The following RNF213 variants were observed in gnomAD, a reference collection of about 807,000 sequenced individuals.
RNF213 encodes ring finger protein 213.
In RNF213, 341 loss-of-function variants were observed where a neutral mutation model predicts 514.4. The observed-to-expected ratio is 0.66, with a 90% confidence interval of 0.61 to 0.73. RNF213 has a LOEUF of 0.73. Ranked by LOEUF, RNF213 falls within the 30% of genes least tolerant of loss-of-function variation. The probability of loss-of-function intolerance (pLI) is 0.00; values close to 1 mark genes in which losing one functional copy is unlikely to be tolerated. For missense variants in RNF213, 5,767 were observed against 6,615.6 expected (o/e 0.87, Z 4.45); for synonymous variants, 2,655 against 2,658.2 (o/e 1.00, Z 0.04).
At position 80,346,182 on chromosome 17, in the gene RNF213, C is replaced by T; in HGVS notation, c.7847C>T (p.Thr2616Ile). Residue 2616 changes from threonine to isoleucine, a missense_variant, in exon 29 of 68, where the codon ACA becomes ATA. Physicochemically the swap from Thr to Ile is moderately conservative, Grantham distance 89. Transcript: ENST00000582970. The surrounding 1 kb of genome is among the most constrained non-coding windows in gnomAD (Gnocchi z 8.1). ...GATGAAAACGGGACTCGCGTGATCA[C>T]AGAAGTCCTCTGCGCCTCTCAGGGT... ...SLDENGTRVITEVLCASQGFM... is the reference protein window; with the variant it reads ...SLDENGTRVIIEVLCASQGFM... The T allele has an allele frequency of 6.2e-7, 1 of 1,614,174 alleles. No individual in the cohort carries two copies. Among genetic ancestry groups the T allele is most frequent in the Non-Finnish European group, 8.5e-7 (1 of 1,180,038 alleles).
rs753453931 is a variant in RNF213 at position 80,340,325 on chromosome 17, T to G, written c.5958T>G (p.Val1986=). ...AAAVFNDRLC[V]GIVASERAGV... ...CCGTGTTCAATGACCGGCTGTGTGT[T>G]GGGATCGTGGCCTCGGAGCGAGCAG... The change falls in exon 26 of 68, where the codon GTT becomes GTG. Residue 1986 remains valine, a synonymous_variant. Transcript: ENST00000582970. The G allele has an allele frequency of 7.4e-6, 12 of 1,613,306 alleles. No individual in the cohort carries two copies. Among genetic ancestry groups the G allele is most frequent in the Non-Finnish European group, 1.0e-5 (12 of 1,179,954 alleles).
chr17:80,278,596 C>G (rs1279431458), intron 3 of RNF213, among the ~76,000 whole-genome samples: 1 of 152,156 alleles, frequency 6.6e-6, no homozygotes, highest in Non-Finnish European at 1.5e-5. Context: ...GCCCATGGGC[C>G]CTGGAGGCAG....
intron 11 of RNF213, chr17:80,298,810 CCAAA>C: frequency 4.5e-6 from 1 of 223,728 alleles, no homozygotes; most frequent in Non-Finnish European, 8.7e-6. Flanking sequence ...ACGAAAAATA[CCAAA>C]AAAAAAAAAA....
chr17:80,375,867 A>G lies in RNF213; in HGVS notation c.13182A>G (p.Pro4394=), dbSNP rs769971071. The G allele has an allele frequency of 6.2e-7, 1 of 1,600,762 alleles. No homozygotes were observed. Among genetic ancestry groups the G allele is most frequent in the Non-Finnish European group, 8.6e-7 (1 of 1,167,766 alleles). Residue 4394 remains proline (P), a synonymous_variant, in exon 51 of 68, where the codon CCA becomes CCG. Transcript: ENST00000582970. The part of the protein sequence containing the change: ...RSHNASLHPT[P]EQCEAVSKFI... Reference sequence around the variant, plus strand: ...ACAATGCAAGCCTCCACCCCACGCCAGAGGTGAGTAACCGCCTGCAGGGCT... The same window carrying G: ...ACAATGCAAGCCTCCACCCCACGCCGGAGGTGAGTAACCGCCTGCAGGGCT...
At position 80,379,690 on chromosome 17, in the gene RNF213, C is replaced by A; in HGVS notation, c.13616C>A (p.Pro4539His). 6.2e-7 allele frequency: 1 copy of A among 1,614,224 alleles called. No individual in the cohort carries two copies. Among genetic ancestry groups the A allele is most frequent in the East Asian group, 2.2e-5 (1 of 44,886 alleles). Residue 4539 changes from proline to histidine, a missense_variant, in exon 55 of 68, where the codon CCT becomes CAT. By Grantham distance (77) the Pro-to-His change is moderately conservative. This residue lies in a region of RNF213 where 1,245 missense variants were observed against 1,339.0 expected (regional missense o/e 0.93). Transcript: ENST00000582970. ...CCGATTGGAGGCATTGACCACAAAC[C>A]TCGGGACGGCTTTCATCTGGTCAAG... is the stretch of plus-strand genomic sequence containing the variant. ...HAPIGGIDHK[P>H]RDGFHLVKDK...
rs757553323 is a variant in RNF213 at position 80,298,499 on chromosome 17, C to T, written c.2191C>T (p.Arg731Trp). 10 of 1,614,026 alleles carry T rather than the reference C, an allele frequency of 6.2e-6. No homozygotes were observed. The highest frequency in any genetic ancestry group is 1.3e-5 in the African/African-American group (1 of 74,896). ...GGAGGGACTCTCCTTCTCACCGTTC[C>T]GGGAACAAATGCTAGATACGTAAGT... Reference protein sequence around the residue: ...ALEGLSFSPFREQMLDTSSLL... With the variant: ...ALEGLSFSPFWEQMLDTSSLL... Residue 731 changes from arginine to tryptophan, a missense_variant, in exon 11 of 68, where the codon CGG (arginine) becomes TGG (tryptophan). By Grantham distance (101) the Arg-to-Trp change is moderately radical (BLOSUM62 -3). Coordinates refer to ENST00000582970, the MANE Select transcript of RNF213 (RefSeq NM_001256071.3).
chr17:80,273,809 G>A (rs1310389100), intron 3 of RNF213, among the ~76,000 whole-genome samples: 4 of 151,732 alleles, frequency 2.6e-5, no homozygotes, highest in African/African-American at 4.8e-5. Context: ...TAGTAGAGAC[G>A]GGGTTTCACC....
At position 80,267,719 on chromosome 17, in the gene RNF213, T is replaced by G. The variant is rs531283543; in HGVS notation, c.97+3941T>G. 1.2e-4 allele frequency among the ~76,000 whole-genome samples: 18 copies of G among 152,234 alleles called. No homozygotes were observed. The South Asian group carries it at 3.5e-3, about 30-fold the overall frequency. On this transcript the variant is annotated intron_variant, in intron 2 of 67. Transcript: ENST00000582970. Reference sequence around the variant, plus strand: ...AGCAGTCATCTCCATAACATAAAAGTGCAAGGTGAAGCAGCGAGTGCTGCT... The same window carrying G: ...AGCAGTCATCTCCATAACATAAAAGGGCAAGGTGAAGCAGCGAGTGCTGCT...
intron 58 of RNF213, among the ~76,000 whole-genome samples, chr17:80,383,443 G>A (rs1175826057): frequency 6.6e-6 from 1 of 152,202 alleles, no homozygotes; most frequent in African/African-American, 2.4e-5. Flanking sequence ...CTAGCAGCCA[G>A]AATGTTAGTA....
chr17:80,313,669 A>AT (rs2045666832), intron 15 of RNF213, among the ~76,000 whole-genome samples: 1 of 113,418 alleles, frequency 8.8e-6, no homozygotes, highest in Admixed American at 8.8e-5. Flanking sequence ...GTGATGGTGG[A>AT]GGTAATGGAG....
At chr17:80,291,099 A>C (rs562129522) in intron 7 of RNF213, among the ~76,000 whole-genome samples, 2 of 152,320 alleles carry the variant, frequency 1.3e-5, no homozygotes, top group South Asian at 4.1e-4. Context: ...GGCATGAGCC[A>C]CTGCGCCCAG....
chr17:80,277,262 G>C (rs1214677478), intron 3 of RNF213, among the ~76,000 whole-genome samples: 3 of 151,960 alleles, frequency 2.0e-5, no homozygotes, highest in Non-Finnish European at 2.9e-5. Context: ...GAGTGGGGAG[G>C]AGGGAGTCAT....
Position 80,290,589 on chromosome 17 carries a change from G to A in RNF213, c.1132G>A (p.Gly378Arg). Residue 378 changes from glycine to arginine, a missense_variant, in exon 7 of 68, where the codon GGA (glycine) becomes AGA (arginine). Physicochemically the swap from Gly to Arg is moderately radical, Grantham distance 125. Coordinates refer to ENST00000582970, the MANE Select transcript of RNF213 (RefSeq NM_001256071.3). The part of the protein sequence containing the change: ...VKASTLSPGG[G>R]VTVFFHAIIS... Reference sequence around the variant, plus strand: ...CACCAGCACGCTGAGCCCGGGTGGAGGAGTCACCGTGTTCTTCCACGCCAT... The same window carrying A: ...CACCAGCACGCTGAGCCCGGGTGGAAGAGTCACCGTGTTCTTCCACGCCAT... The A allele has an allele frequency of 6.2e-7, 1 of 1,614,086 alleles. No homozygotes were observed. Among genetic ancestry groups the A allele is most frequent in the Non-Finnish European group, 8.5e-7 (1 of 1,180,048 alleles).
intron 65 of RNF213, 21 bp downstream of exon 65, chr17:80,389,388 G>A: frequency 6.2e-7 from 1 of 1,610,008 alleles, no homozygotes; most frequent in South Asian, 1.1e-5. Context: ...CACCGAAAAG[G>A]AAATCAGCAC....
At chr17:80,388,350 C>A (rs1041466228) in intron 63 of RNF213, among the ~76,000 whole-genome samples, 5 of 152,210 alleles carry the variant, frequency 3.3e-5, no homozygotes, top group African/African-American at 1.2e-4. Context: ...GTTGCCCTAG[C>A]GCCTCCTGTG....
intron 48 of RNF213, 57 bp from the exon 49 acceptor site, chr17:80,372,918 C>CTACAAT: frequency 6.4e-7 from 1 of 1,562,762 alleles, no homozygotes; most frequent in Non-Finnish European, 8.7e-7. Flanking sequence ...GCCTTGTGTC[C>CTACAAT]TACAATAAAT....
At position 80,389,934 on chromosome 17, in the gene RNF213, C is replaced by A. The variant is rs762926327; in HGVS notation, c.15285+17C>A. 6 of 1,613,936 alleles carry A rather than the reference C, an allele frequency of 3.7e-6. No individual in the cohort carries two copies. The highest frequency in any genetic ancestry group is 5.1e-6 in the Non-Finnish European group (6 of 1,179,756). ...CTGCACAAAGTAAGTCTGGTCTCTTCCTCTCTGCTGGACAGAGGGACTGCG... is the reference window on the plus strand; with the variant it reads ...CTGCACAAAGTAAGTCTGGTCTCTTACTCTCTGCTGGACAGAGGGACTGCG... On this transcript the variant is annotated intron_variant, in intron 66 of 67. Coordinates refer to ENST00000582970, the MANE Select transcript of RNF213 (RefSeq NM_001256071.3).
At chr17:80,302,006 T>G (rs1424487092) in intron 11 of RNF213, among the ~76,000 whole-genome samples, 1 of 152,220 alleles carries the variant, frequency 6.6e-6, no homozygotes, top group Non-Finnish European at 1.5e-5. Flanking sequence ...TGGAGGAGAT[T>G]ACGTTAAGTG....
rs746663563 is a variant in RNF213 at position 80,338,006 on chromosome 17, G to A, written c.4833+9G>A. 54 of 1,537,144 alleles carry A rather than the reference G, an allele frequency of 3.5e-5. No individual in the cohort carries two copies. The highest frequency in any genetic ancestry group is 1.7e-4 in the Middle Eastern group (1 of 6,010). On this transcript the variant is annotated intron_variant, in intron 25 of 67. Coordinates refer to ENST00000582970, the MANE Select transcript of RNF213 (RefSeq NM_001256071.3). ...TGGAGAGGTTTTCAGAGGTGAGGGCGCATCTTTGCAGTGGCGCTAAGCTGG... is the reference window on the plus strand; with the variant it reads ...TGGAGAGGTTTTCAGAGGTGAGGGCACATCTTTGCAGTGGCGCTAAGCTGG...
Sources: allele counts gnomAD v4.1 joint callset (sites outside exome capture counted in the v4.1 genomes callset), GRCh38; gene constraint gnomAD v4.1.1; regional missense constraint gnomAD v4.1.1; non-coding constraint Gnocchi (gnomAD v3.1); transcripts MANE v1.5; gene names NCBI Gene and HGNC (gene_info 2026-07-23, HGNC 2026-07-21).